Variants in TAF2 observed in about 807,000 individuals in gnomAD.
TAF2 encodes the protein TATA-box binding protein associated factor 2.
Under a neutral mutation model 138.5 loss-of-function variants are expected in TAF2, and 61 were observed. That is an observed-to-expected ratio of 0.44 (90% CI 0.36 to 0.54). TAF2 has a LOEUF of 0.54. TAF2 is among the 20% of genes least tolerant of loss of function. The pLI is 0.00. For missense variants in TAF2, 1,090 were observed against 1,427.9 expected, an observed-to-expected ratio of 0.76 and a Z score of 3.81; for synonymous variants, 475 against 469.9, an observed-to-expected ratio of 1.01 and a Z score of -0.14.
intron 22 of TAF2, 56 bp downstream of exon 22, chr8:119,755,950 G>A (rs1358464971): frequency 2.2e-6 from 3 of 1,362,612 alleles, no homozygotes; most frequent in Non-Finnish European, 3.1e-6. Context: ...AAAATCTGTT[G>A]TAAAATCAAA....
chr8:119,770,520 A>G (rs1180283631), intron 18 of TAF2, among the ~76,000 whole-genome samples: 1 of 152,170 alleles, frequency 6.6e-6, no homozygotes, highest in Non-Finnish European at 1.5e-5. Flanking sequence ...AAGGAAAAAT[A>G]AAGTATTTCC....
intron 22 of TAF2, among the ~76,000 whole-genome samples, 184 bp downstream of exon 22, chr8:119,755,822 A>G (rs1820665022): frequency 6.6e-6 from 1 of 152,236 alleles, no homozygotes; most frequent in Non-Finnish European, 1.5e-5. Context: ...CTATGGAGTA[A>G]AGTGAGTATA....
At chr8:119,751,393 C>T (rs1820342413) in intron 22 of TAF2, among the ~76,000 whole-genome samples, 1 of 152,188 alleles carries the variant, frequency 6.6e-6, no homozygotes. Context: ...TTTCTAAACA[C>T]TCCTTCAGAA....
intron 5 of TAF2, among the ~76,000 whole-genome samples, chr8:119,803,510 G>C (rs1018797015): frequency 6.6e-6 from 1 of 152,006 alleles, no homozygotes; most frequent in Non-Finnish European, 1.5e-5. Flanking sequence ...GGCCAACATG[G>C]TAAAACCCCA....
At chr8:119,778,235 T>C in intron 17 of TAF2, 106 bp from the exon 18 acceptor site, 2 of 679,726 alleles carry the variant, frequency 2.9e-6, no homozygotes, top group South Asian at 1.7e-5. Context: ...CTGACATAGA[T>C]ATCTGGATGG....
intron 18 of TAF2, among the ~76,000 whole-genome samples, chr8:119,767,678 A>G (rs1175312483): frequency 2.6e-5 from 4 of 152,226 alleles, no homozygotes; most frequent in African/African-American, 7.2e-5. Flanking sequence ...CACACAACCC[A>G]AAGACAGATA....
chr8:119,804,674 T>C (rs1487020897), intron 4 of TAF2, among the ~76,000 whole-genome samples: 1 of 152,198 alleles, frequency 6.6e-6, no homozygotes, highest in African/African-American at 2.4e-5. Context: ...AAACTATAAG[T>C]TCATTAAACC....
intron 3 of TAF2, among the ~76,000 whole-genome samples, chr8:119,812,936 A>T (rs1464761635): frequency 6.6e-6 from 1 of 152,164 alleles, no homozygotes; most frequent in Non-Finnish European, 1.5e-5. Context: ...TTTTTGACAT[A>T]GGGACTTATT....
At chr8:119,795,961 T>C (rs936021249) in intron 8 of TAF2, among the ~76,000 whole-genome samples, 13 of 152,144 alleles carry the variant, frequency 8.5e-5, no homozygotes, top group African/African-American at 2.7e-4. Context: ...AAGGAAATAC[T>C]TGCTCATAGC....
intron 18 of TAF2, among the ~76,000 whole-genome samples, chr8:119,777,803 AT>A (rs1350705766): frequency 2.0e-5 from 3 of 152,208 alleles, no homozygotes; most frequent in African/African-American, 7.2e-5. Flanking sequence ...TTAAAAACTA[AT>A]ATTGTTTTTT....
At chr8:119,788,203 G>T in intron 14 of TAF2, 135 bp downstream of exon 14, 1 of 733,786 alleles carries the variant, frequency 1.4e-6, no homozygotes, top group Admixed American at 2.1e-5. Context: ...AAACCTGCAT[G>T]TTCTGCACAT....
intron 8 of TAF2, among the ~76,000 whole-genome samples, chr8:119,795,999 T>C (rs138152865): frequency 6.6e-6 from 1 of 152,246 alleles, no homozygotes; most frequent in African/African-American, 2.4e-5. Flanking sequence ...ATTCTAAAAG[T>C]CTACATGCTA....
chr8:119,740,662 C>CAAAAAAAAAAA (rs773347068), intron 25 of TAF2, among the ~76,000 whole-genome samples: 1 of 51,512 alleles, frequency 1.9e-5, no homozygotes. Context: ...GAGACTGTCT[C>CAAAAAAAAAAA]AAAAAAAAAA....
chr8:119,816,394 T>C (rs1028955651), intron 3 of TAF2, among the ~76,000 whole-genome samples: 2 of 152,128 alleles, frequency 1.3e-5, no homozygotes, highest in Non-Finnish European at 2.9e-5. Context: ...AGGGAGGGCA[T>C]GGCACCTTAA....
At chr8:119,814,370 T>G (rs1367640518) in intron 3 of TAF2, among the ~76,000 whole-genome samples, 1 of 152,084 alleles carries the variant, frequency 6.6e-6, no homozygotes, top group East Asian at 1.9e-4. Context: ...CCAATTTCTA[T>G]TATGTGACAT....
chr8:119,776,303 CTTGA>C (rs1258638219), intron 18 of TAF2, among the ~76,000 whole-genome samples: 1 of 143,664 alleles, frequency 7.0e-6, no homozygotes, highest in Non-Finnish European at 1.5e-5. Context: ...ATGTTGTTTT[CTTGA>C]TTTTCATTAA....
At chr8:119,825,380 T>C (rs532275998) in intron 2 of TAF2, among the ~76,000 whole-genome samples, 7 of 152,260 alleles carry the variant, frequency 4.6e-5, no homozygotes, top group Non-Finnish European at 8.8e-5. Context: ...CACAGGCTCA[T>C]AGGCGGAAGG....
chr8:119,765,751 T>C (rs6469842), intron 18 of TAF2, among the ~76,000 whole-genome samples: 24,681 of 152,108 alleles, frequency 0.16, 3,502 homozygotes, highest in African/African-American at 0.38. Context: ...TATTGGGATA[T>C]TGAGCTAGGA....
At chr8:119,805,501 T>C (rs1355912885) in intron 4 of TAF2, among the ~76,000 whole-genome samples, 1 of 151,498 alleles carries the variant, frequency 6.6e-6, no homozygotes, top group African/African-American at 2.4e-5. Context: ...AGGTCAGGAG[T>C]TCGAGAGCAG....
Sources: gnomAD v4.1 joint callset for allele counts (sites outside exome capture counted in the v4.1 genomes callset) on GRCh38, gnomAD v4.1.1 for gene constraint, MANE v1.5 for transcripts, NCBI Gene and HGNC (gene_info 2026-07-23, HGNC 2026-07-21) for gene names.